Variants in LHFPL4 observed in about 807,000 individuals in gnomAD.
LHFPL4 encodes the protein LHFPL tetraspan subfamily member 4 protein.
In LHFPL4, 6 loss-of-function variants were observed where a neutral mutation model predicts 20.0. The observed-to-expected ratio is 0.30, with a 90% CI of 0.16 to 0.59. The LOEUF (loss-of-function observed/expected upper bound fraction) is 0.59. Among genes scored for constraint, LHFPL4 ranks in the 20% least tolerant of loss-of-function variants. LHFPL4 has a pLI of 0.88. For missense variants in LHFPL4, 215 were observed against 331.2 expected (o/e 0.65, Z 2.72); for synonymous variants, 129 against 143.8 (o/e 0.90, Z 0.74).
At chr3:9,512,023 C>T (rs1206002983) in intron 2 of LHFPL4, among the ~76,000 whole-genome samples, 1 of 152,138 alleles carries the variant, frequency 6.6e-6, no homozygotes, top group Admixed American at 6.6e-5. Context: ...AGTTCCGCCT[C>T]CCAGGTTCAC....
chr3:9,505,612 G>A (rs1346969032), intron 3 of LHFPL4, among the ~76,000 whole-genome samples: 1 of 152,138 alleles, frequency 6.6e-6, no homozygotes, highest in Admixed American at 6.6e-5. Context: ...TTTTAGTAGA[G>A]ACAGGGTTTC....
chr3:9,522,169 A>T (rs918078530), intron 2 of LHFPL4, among the ~76,000 whole-genome samples: 6 of 151,314 alleles, frequency 4.0e-5, no homozygotes, highest in East Asian at 2.0e-4. Flanking sequence ...TATTGTTATT[A>T]TTTTTTAGTA....
intron 2 of LHFPL4, among the ~76,000 whole-genome samples, chr3:9,519,364 C>CT (rs1346600369): frequency 1.3e-5 from 2 of 152,122 alleles, no homozygotes; most frequent in Non-Finnish European, 2.9e-5. Flanking sequence ...CATGAGCCAC[C>CT]ACACCTGGCC....
intron 2 of LHFPL4, among the ~76,000 whole-genome samples, chr3:9,544,555 G>A (rs1230029346): frequency 1.3e-5 from 2 of 152,156 alleles, no homozygotes; most frequent in African/African-American, 4.8e-5. Flanking sequence ...AACCCGGGAG[G>A]CAGAGGTTGC....
chr3:9,510,575 A>T (rs2046251348), intron 2 of LHFPL4, among the ~76,000 whole-genome samples: 1 of 152,120 alleles, frequency 6.6e-6, no homozygotes, highest in Admixed American at 6.6e-5. Context: ...CCAAGCAGCC[A>T]GGAGGTGTTA....
At position 9,527,554 on chromosome 3, in the gene LHFPL4, A is replaced by G. The variant is rs140453147; in HGVS notation, c.407-21351T>C. On this transcript the variant is annotated intron_variant, in intron 2 of 3. Coordinates refer to ENST00000287585, the MANE Select transcript of LHFPL4 (RefSeq NM_198560.3). ...AACATGGTGAAACCCCATCTCTACA[A>G]AAAATTAGTCAGGCATGGTACAAGC... is the stretch of plus-strand genomic sequence containing the variant. 9.9e-5 allele frequency among the ~76,000 whole-genome samples: 15 copies of G among 152,160 alleles called. No homozygotes were observed. In the East Asian group the frequency reaches 2.9e-3, roughly 29 times the overall value.
intron 2 of LHFPL4, among the ~76,000 whole-genome samples, chr3:9,517,793 G>GT (rs201336018): frequency 3.1e-4 from 38 of 124,404 alleles, no homozygotes; most frequent in South Asian, 5.1e-4. Context: ...AGGAGGTTGG[G>GT]TTTTTTTGTT....
chr3:9,550,529 T>C (rs531133429), intron 2 of LHFPL4: 1 of 152,012 alleles, frequency 6.6e-6, no homozygotes, highest in South Asian at 2.1e-4. Context: ...TATATGGGGG[T>C]TGTTGGACAA....
At position 9,502,318 on chromosome 3, in the gene LHFPL4, G is replaced by A; in HGVS notation, c.644-7C>T. 1.3e-6 allele frequency: 2 copies of A among 1,502,614 alleles called. No homozygotes were observed. Among genetic ancestry groups the A allele is most frequent in the South Asian group, 1.1e-5 (1 of 87,196 alleles). The allele number at this position is 1,502,614 out of a possible 1,614,324, so 93.1% of individuals were successfully genotyped here. A position where few individuals can be genotyped will look rare whatever the true frequency, so the allele number is the denominator to read the frequency against. ...ACTGTAGAGCCCACAAAATCTAAGAGAGAGAGAGAGAGAGAGAAGGAGAGA... is the reference window on the plus strand; with the variant it reads ...ACTGTAGAGCCCACAAAATCTAAGAAAGAGAGAGAGAGAGAGAAGGAGAGA... On this transcript the variant is annotated splice_region_variant and splice_polypyrimidine_tract_variant and intron_variant, in intron 3 of 3. Coordinates refer to ENST00000287585, the MANE Select transcript of LHFPL4 (RefSeq NM_198560.3).
At chr3:9,519,303 G>T (rs1392045005) in intron 2 of LHFPL4, among the ~76,000 whole-genome samples, 1 of 151,930 alleles carries the variant, frequency 6.6e-6, no homozygotes, top group Non-Finnish European at 1.5e-5. Flanking sequence ...TCCAACTCCT[G>T]ACCTTAGGTG....
intron 2 of LHFPL4, among the ~76,000 whole-genome samples, chr3:9,521,349 T>A (rs1365059779): frequency 6.6e-6 from 1 of 151,460 alleles, no homozygotes; most frequent in Non-Finnish European, 1.5e-5. Flanking sequence ...TTCAGCCTCC[T>A]GAGTAGCTGG....
chr3:9,510,708 C>T (rs886523485), intron 2 of LHFPL4, among the ~76,000 whole-genome samples: 5 of 152,032 alleles, frequency 3.3e-5, no homozygotes, highest in African/African-American at 7.2e-5. Flanking sequence ...GAGGCCAAGA[C>T]GAGTGGATCA....
chr3:9,509,391 A>C (rs1037958120), intron 2 of LHFPL4, among the ~76,000 whole-genome samples: 1 of 151,484 alleles, frequency 6.6e-6, no homozygotes, highest in African/African-American at 2.4e-5. Flanking sequence ...TCGCTTCTCT[A>C]TATCTATCCC....
chr3:9,530,045 A>G (rs1044400655), intron 2 of LHFPL4, among the ~76,000 whole-genome samples: 2 of 152,030 alleles, frequency 1.3e-5, no homozygotes, highest in African/African-American at 4.8e-5. Context: ...TTTATAGAGC[A>G]TAGGTGGAAT....
chr3:9,534,108 C>G (rs540258183), intron 2 of LHFPL4, among the ~76,000 whole-genome samples: 1 of 151,432 alleles, frequency 6.6e-6, no homozygotes, highest in East Asian at 2.0e-4. Flanking sequence ...CAGTAGTCCC[C>G]GCTATTTGGG....
intron 2 of LHFPL4, among the ~76,000 whole-genome samples, chr3:9,518,962 G>GTCTC (rs55935471): frequency 7.5e-6 from 1 of 133,740 alleles, no homozygotes; most frequent in African/African-American, 2.6e-5. Flanking sequence ...TAGAGACAGA[G>GTCTC]TCTCTCTCTC....
chr3:9,503,647 G>A (rs933153494), intron 3 of LHFPL4, among the ~76,000 whole-genome samples: 5 of 152,206 alleles, frequency 3.3e-5, no homozygotes, highest in Admixed American at 1.3e-4. Flanking sequence ...GAGCTCTGGA[G>A]TTCTCTGAAC....
intron 2 of LHFPL4, chr3:9,550,651 G>T (rs2046547404): frequency 6.6e-6 from 1 of 152,182 alleles, no homozygotes; most frequent in East Asian, 1.9e-4. Context: ...GAGGATTCCA[G>T]CTTGCCTTTG....
intron 2 of LHFPL4, among the ~76,000 whole-genome samples, chr3:9,511,406 G>A (rs1485896592): frequency 2.6e-5 from 4 of 151,910 alleles, no homozygotes; most frequent in African/African-American, 7.3e-5. Flanking sequence ...TTATACGAAT[G>A]AGGAAACTGA....
Sources: gnomAD v4.1 joint callset for allele counts (sites outside exome capture counted in the v4.1 genomes callset) on GRCh38, gnomAD v4.1.1 for gene constraint, MANE v1.5 for transcripts, NCBI Gene and HGNC (gene_info 2026-07-23, HGNC 2026-07-21) for gene names.